The following DNHD1 variants were observed in gnomAD, a reference collection of about 807,000 sequenced individuals.
DNHD1 encodes the protein dynein heavy chain domain 1.
Under a neutral mutation model 458.1 loss-of-function variants are expected in DNHD1, and 383 were observed. That is an observed-to-expected ratio of 0.84 (90% CI 0.77 to 0.91). The LOEUF is 0.91. Among genes scored for constraint, DNHD1 ranks in the 40% least tolerant of loss-of-function variants. The pLI, the probability that DNHD1 is intolerant of heterozygous loss-of-function variation, is 0.00. For missense variants in DNHD1, 5,336 were observed against 5,866.1 expected, an observed-to-expected ratio of 0.91 and a Z score of 2.95; for synonymous variants, 2,203 against 2,376.9, an observed-to-expected ratio of 0.93 and a Z score of 2.13.
At chr11:6,561,384 C>T (rs1036937207) in intron 28 of DNHD1, among the ~76,000 whole-genome samples, 2 of 152,128 alleles carry the variant, frequency 1.3e-5, no homozygotes, top group South Asian at 4.1e-4. Flanking sequence ...GAAATGATTG[C>T]ACCACTGCAC....
At position 6,498,287 on chromosome 11, in the gene DNHD1, C is replaced by T. The variant is rs920374470; in HGVS notation, c.72C>T (p.His24=). The T allele has an allele frequency of 1.9e-6, 3 of 1,614,214 alleles. No homozygotes were observed. The highest frequency in any genetic ancestry group is 2.5e-6 in the Non-Finnish European group (3 of 1,180,034). ...ETSSDSLKSW[H]SICVLDSKEQ... ...CATCTGATTCCCTTAAGTCTTGGCA[C>T]TCCATATGTGTCTTGGACAGCAAAG... Residue 24 remains histidine, a synonymous_variant, in exon 3 of 43, where the codon CAC becomes CAT. Transcript: ENST00000254579.
rs536064467 is a variant in DNHD1 at position 6,525,897 on chromosome 11, G to A, written c.1838-2625G>A. Among the ~76,000 whole-genome samples, 8 of 151,876 alleles carry A rather than the reference G, an allele frequency of 5.3e-5. No homozygotes were observed. The East Asian group carries it at 1.5e-3, about 29-fold the overall frequency. On this transcript the variant is annotated intron_variant, in intron 10 of 42. Coordinates refer to ENST00000254579, the MANE Select transcript of DNHD1 (RefSeq NM_144666.3). ...TTTTTATTGAAATCTAGTTATTTTT[G>A]TTAGAATATGTGTTGGTATTGAACA... is the stretch of plus-strand genomic sequence containing the variant.
At chr11:6,516,260 AC>A (rs1489884362) in intron 7 of DNHD1, among the ~76,000 whole-genome samples, 1 of 143,692 alleles carries the variant, frequency 7.0e-6, no homozygotes, top group Non-Finnish European at 1.5e-5. Context: ...ACATGTTTTC[AC>A]TCTCTTTTGT....
chr11:6,519,547 G>T, intron 7 of DNHD1, 53 bp from the exon 8 acceptor site: 2 of 1,599,670 alleles, frequency 1.3e-6, no homozygotes, highest in Non-Finnish European at 1.7e-6. Flanking sequence ...CTAGTGGGTG[G>T]CTGGTTTGCT....
intron 4 of DNHD1, among the ~76,000 whole-genome samples, chr11:6,504,460 CT>C (rs1477453877): frequency 6.6e-6 from 1 of 152,110 alleles, no homozygotes; most frequent in Non-Finnish European, 1.5e-5. Context: ...TTCTTTTTGT[CT>C]TTTTTGAGAC....
rs149488279 is a variant in DNHD1, at chr11:6,531,890, T to C, written c.2348-1137T>C. 6.2e-3 allele frequency among the ~76,000 whole-genome samples: 951 copies of C among 152,330 alleles called. 8 individuals are homozygous for C. Among genetic ancestry groups the C allele is most frequent in the Middle Eastern group, 0.017 (5 of 294 alleles). On this transcript the variant is annotated intron_variant, in intron 12 of 42. Coordinates refer to ENST00000254579, the MANE Select transcript of DNHD1 (RefSeq NM_144666.3). ...TACTTTTTATAAACATATATTTTTATGTTTACATTTATATTTATAACATAA... is the reference window on the plus strand; with the variant it reads ...TACTTTTTATAAACATATATTTTTACGTTTACATTTATATTTATAACATAA...
rs183524986 is a variant in DNHD1 at position 6,525,064 on chromosome 11, T to A, written c.1838-3458T>A. ...GGAGGCCACAATAAAGTGGTTTTCA[T>A]TTTTTTTGTTTTTTCATTCTCAGGC... On this transcript the variant is annotated intron_variant, in intron 10 of 42. Transcript: ENST00000254579. 8.9e-3 allele frequency among the ~76,000 whole-genome samples: 1,350 copies of A among 152,090 alleles called. 19 individuals are homozygous for A. Among genetic ancestry groups the A allele is most frequent in the African/African-American group, 0.031 (1,270 of 41,480 alleles).
intron 6 of DNHD1, among the ~76,000 whole-genome samples, chr11:6,509,826 T>C (rs1255388236): frequency 2.6e-5 from 4 of 152,186 alleles, no homozygotes; most frequent in Non-Finnish European, 5.9e-5. Context: ...TTCAGTTGCC[T>C]AAAGGGCCTA....
intron 18 of DNHD1, among the ~76,000 whole-genome samples, chr11:6,542,687 C>T (rs1231442659): frequency 6.6e-6 from 1 of 152,198 alleles, no homozygotes; most frequent in African/African-American, 2.4e-5. Flanking sequence ...AAATGATGGA[C>T]TTGTTATATA....
rs1231741621 is a variant in DNHD1 at position 6,563,657 on chromosome 11, G to A, written c.9853-36G>A. 9.1e-6 allele frequency: 14 copies of A among 1,543,184 alleles called. No homozygotes were observed. The Middle Eastern group carries it at 1.5e-3, about 165-fold the overall frequency. Reference sequence around the variant, plus strand: ...TGTTGGGTCAAGGTCCAGAGCATCCGTGGCTTCCCCATCCCGTTAACATAC... The same window carrying A: ...TGTTGGGTCAAGGTCCAGAGCATCCATGGCTTCCCCATCCCGTTAACATAC... On this transcript the variant is annotated intron_variant, in intron 30 of 42. Transcript: ENST00000254579.
Position 6,547,372 on chromosome 11 carries a change from G to A in DNHD1, c.6433G>A (p.Val2145Ile), listed in dbSNP as rs1328934425. Residue 2145 changes from valine to isoleucine, a missense_variant, in exon 21 of 43, where the codon GTC (valine) becomes ATC (isoleucine). Physicochemically the swap from Val to Ile is conservative, Grantham distance 29. Coordinates refer to ENST00000254579, the MANE Select transcript of DNHD1 (RefSeq NM_144666.3). ...SPTVVGCCAL[V>I]WCGGEQTWQC... ...CACAGTGGTAGGCTGTTGTGCCCTA[G>A]TCTGGTGTGGTGGAGAGCAGACTTG... 1.3e-6 allele frequency: 2 copies of A among 1,551,762 alleles called. No individual in the cohort carries two copies. The highest frequency in any genetic ancestry group is 1.7e-6 in the Non-Finnish European group (2 of 1,147,010).
intron 10 of DNHD1, chr11:6,520,958 T>G: frequency 3.5e-6 from 3 of 851,836 alleles, no homozygotes; most frequent in Non-Finnish European, 4.2e-6. Context: ...TTTTAGGGAA[T>G]AGGTGACAAG....
intron 10 of DNHD1, chr11:6,520,494 T>C: frequency 7.0e-7 from 1 of 1,427,362 alleles, no homozygotes; most frequent in South Asian, 1.5e-5. Context: ...CACGTGGTTA[T>C]GTGTATGTGC....
At chr11:6,561,879 C>T (rs1350912861) in intron 28 of DNHD1, among the ~76,000 whole-genome samples, 1 of 151,996 alleles carries the variant, frequency 6.6e-6, no homozygotes, top group African/African-American at 2.4e-5. Context: ...TGGAAAGTAG[C>T]GTGCTAGGAG....
chr11:6,569,903 C>CAATGAACCCGAAGCTCAG, intron 39 of DNHD1, 106 bp from the exon 40 acceptor site: 1 of 879,278 alleles, frequency 1.1e-6, no homozygotes, highest in East Asian at 2.5e-5. Context: ...TGCCAAGTGG[C>CAATGAACCCGAAGCTCAG]AATGAACCCG....
intron 10 of DNHD1, among the ~76,000 whole-genome samples, chr11:6,522,963 G>C (rs983000908): frequency 1.3e-5 from 2 of 152,198 alleles, no homozygotes; most frequent in Non-Finnish European, 2.9e-5. Context: ...AAACAAGAGA[G>C]TATTACTGTT....
At position 6,498,667 on chromosome 11, in the gene DNHD1, C is replaced by A. The variant is rs748667035; in HGVS notation, c.452C>A (p.Pro151His). ...LDSASHADCC[P>H]QKRRLHHRPP... is the part of the protein sequence containing the mutation. ...AGTGCTTCCCATGCTGACTGCTGTC[C>A]CCAGAAGCGGAGGCTCCATCACAGG... The change falls in exon 3 of 43, where the codon CCC becomes CAC. Residue 151 changes from proline to histidine, a missense_variant. Physicochemically the swap from Pro to His is moderately conservative, Grantham distance 77. Transcript: ENST00000254579. The A allele has an allele frequency of 6.2e-7, 1 of 1,614,072 alleles. No individual in the cohort carries two copies. The highest frequency in any genetic ancestry group is 1.3e-5 in the African/African-American group (1 of 74,916).
At chr11:6,524,375 T>C (rs1402054586) in intron 10 of DNHD1, among the ~76,000 whole-genome samples, 2 of 152,208 alleles carry the variant, frequency 1.3e-5, no homozygotes, top group Non-Finnish European at 2.9e-5. Context: ...CTTCTCTCTG[T>C]GTATCTTTCC....
In DNHD1 at chr11:6,519,603, C is replaced by A; in HGVS notation, c.1396C>A (p.His466Asn). The A allele has an allele frequency of 6.2e-7, 1 of 1,614,008 alleles. No homozygotes were observed. Among genetic ancestry groups the A allele is most frequent in the Non-Finnish European group, 8.5e-7 (1 of 1,179,998 alleles). ...NLCTSILRLV[H>N]EDTYHMQQCL... ...AGTTTCCACTCTATGCTCACAGGTT[C>A]ACGAGGACACATACCACATGCAACA... Residue 466 changes from histidine (H) to asparagine (N), a missense_variant, in exon 8 of 43, where the codon CAC becomes AAC. Coordinates refer to ENST00000254579, the MANE Select transcript of DNHD1 (RefSeq NM_144666.3).
Sources: gnomAD v4.1 joint callset for allele counts (sites outside exome capture counted in the v4.1 genomes callset) on GRCh38, gnomAD v4.1.1 for gene constraint, MANE v1.5 for transcripts, NCBI Gene and HGNC (gene_info 2026-07-23, HGNC 2026-07-21) for gene names.